ENOX1: variants seen among roughly 807,000 people sequenced by gnomAD.
ENOX1 encodes the protein ecto-NOX disulfide-thiol exchanger 1.
Under a neutral mutation model 82.5 loss-of-function variants are expected in ENOX1, and 42 were observed. That is an observed-to-expected ratio of 0.51 (90% CI 0.40 to 0.66). The LOEUF (loss-of-function observed/expected upper bound fraction) is 0.66. Among genes scored for constraint, ENOX1 ranks in the 30% least tolerant of loss-of-function variants. The pLI is 0.00. For missense variants in ENOX1, 608 were observed against 811.6 expected, an observed-to-expected ratio of 0.75 and a Z score of 3.05; for synonymous variants, 271 against 282.2, an observed-to-expected ratio of 0.96 and a Z score of 0.40.
intron 5 of ENOX1, among the ~76,000 whole-genome samples, chr13:43,379,528 T>C (rs1454844323): frequency 2.0e-5 from 3 of 152,004 alleles, no homozygotes; most frequent in Non-Finnish European, 2.9e-5. Flanking sequence ...ATGTATGAGA[T>C]AAAAAATATA....
At position 43,606,927 on chromosome 13, in the gene ENOX1, G is replaced by C. The variant is rs1594070146; in HGVS notation, c.-219+60552C>G. On this transcript the variant is annotated intron_variant, in intron 2 of 16. Coordinates refer to ENST00000690772, the MANE Select transcript of ENOX1 (RefSeq NM_001347969.2). ...CAGCTACTTAGGGGGAGTACCGCTT[G>C]AGCCCAGGAGGCAGAGGTTGCAGTG... 2.0e-5 allele frequency among the ~76,000 whole-genome samples: 3 copies of C among 152,226 alleles called. No individual in the cohort carries two copies. The South Asian group carries it at 6.2e-4, about 32-fold the overall frequency.
rs1400854564 is a variant in ENOX1, at chr13:43,606,331, TC to T, written c.-219+61147del. ...AGTTATATACCCAAAAGAAAGGAAATCAGTATTTCAAAGAGATATCTGCACT... is the reference window on the plus strand; with the variant it reads ...AGTTATATACCCAAAAGAAAGGAAATAGTATTTCAAAGAGATATCTGCACT... On this transcript the variant is annotated intron_variant, in intron 2 of 16. Transcript: ENST00000690772. Among the ~76,000 whole-genome samples, 7 of 152,214 alleles carry T rather than the reference TC, an allele frequency of 4.6e-5. No homozygotes were observed. The South Asian group carries it at 1.5e-3, about 32-fold the overall frequency.
intron 9 of ENOX1, among the ~76,000 whole-genome samples, chr13:43,336,028 A>C (rs1397743150): frequency 6.6e-6 from 1 of 152,192 alleles, no homozygotes; most frequent in Non-Finnish European, 1.5e-5. Flanking sequence ...GAAATAGAAA[A>C]CCTGTCACAT....
chr13:43,450,099 A>G (rs1245164177), intron 3 of ENOX1, among the ~76,000 whole-genome samples: 3 of 152,210 alleles, frequency 2.0e-5, no homozygotes, highest in African/African-American at 7.2e-5. Flanking sequence ...CAATATAGTC[A>G]TATGATATTA....
chr13:43,563,913 A>G (rs2079802468), intron 2 of ENOX1, among the ~76,000 whole-genome samples: 1 of 152,120 alleles, frequency 6.6e-6, no homozygotes, highest in Non-Finnish European at 1.5e-5. Flanking sequence ...TCTCCCAAAC[A>G]TTTAAAGAAG....
At chr13:43,610,872 A>T (rs1213077007) in intron 2 of ENOX1, among the ~76,000 whole-genome samples, 1 of 152,142 alleles carries the variant, frequency 6.6e-6, no homozygotes, top group Non-Finnish European at 1.5e-5. Flanking sequence ...CAATAAATAT[A>T]CCTATGTAAA....
intron 2 of ENOX1, among the ~76,000 whole-genome samples, chr13:43,666,504 C>G (rs1371101746): frequency 1.3e-5 from 2 of 152,094 alleles, no homozygotes; most frequent in East Asian, 3.9e-4. Flanking sequence ...TGTAAAGACA[C>G]AGGGAGAATG....
chr13:43,707,650 G>A (rs770312821), intron 1 of ENOX1, among the ~76,000 whole-genome samples: 5 of 148,632 alleles, frequency 3.4e-5, no homozygotes, highest in East Asian at 2.0e-4. Flanking sequence ...GGAGAATGGC[G>A]TGAACCCGGG....
intron 1 of ENOX1, among the ~76,000 whole-genome samples, chr13:43,668,695 T>C (rs1047422261): frequency 6.6e-6 from 1 of 152,008 alleles, no homozygotes; most frequent in Non-Finnish European, 1.5e-5. Flanking sequence ...GCATGATAGA[T>C]CTAATAGGGA....
chr13:43,287,608 G>A (rs781683058), intron 12 of ENOX1, among the ~76,000 whole-genome samples: 3 of 152,140 alleles, frequency 2.0e-5, no homozygotes, highest in Non-Finnish European at 4.4e-5. Flanking sequence ...CATGCCCTTA[G>A]GTGGCATCAG....
intron 2 of ENOX1, among the ~76,000 whole-genome samples, chr13:43,660,593 G>A (rs1294144103): frequency 1.3e-5 from 2 of 152,092 alleles, no homozygotes; most frequent in African/African-American, 4.8e-5. Flanking sequence ...GACATTGTGG[G>A]AAATAAAAAT....
rs145920690 is a variant in ENOX1 at position 43,469,005 on chromosome 13, T to C, written c.-75+15004A>G. Among the ~76,000 whole-genome samples, 90 of 152,284 alleles carry C rather than the reference T, an allele frequency of 5.9e-4. 2 individuals are homozygous for C. The East Asian group carries it at 0.017, about 29-fold the overall frequency. On this transcript the variant is annotated intron_variant, in intron 3 of 16. Transcript: ENST00000690772. ...TTATTAGCTCATAGTCAATAGTACA[T>C]TATTGACTAGAAGTGGGTAGAGTAG... is the stretch of plus-strand genomic sequence containing the variant.
Position 43,442,040 on chromosome 13 carries a change from C to T in ENOX1, c.-74-29052G>A, listed in dbSNP as rs535870547. Among the ~76,000 whole-genome samples, 149 of 152,100 alleles carry T rather than the reference C, an allele frequency of 9.8e-4. 2 individuals are homozygous for T. Among genetic ancestry groups the T allele is most frequent in the African/African-American group, 3.5e-3 (146 of 41,480 alleles). ...AGAGAGATCTCCTGGGAAATTAAAACGCCTACACGTAGGGAGAATTGAACA... is the reference window on the plus strand; with the variant it reads ...AGAGAGATCTCCTGGGAAATTAAAATGCCTACACGTAGGGAGAATTGAACA... On this transcript the variant is annotated intron_variant, in intron 3 of 16. Coordinates refer to ENST00000690772, the MANE Select transcript of ENOX1 (RefSeq NM_001347969.2).
chr13:43,756,572 T>A (rs1029320517), intron 1 of ENOX1, among the ~76,000 whole-genome samples: 7 of 149,488 alleles, frequency 4.7e-5, no homozygotes, highest in African/African-American at 1.7e-4. Flanking sequence ...GTGCATGAAG[T>A]GGAGATGCAA....
Position 43,616,130 on chromosome 13 carries a change from C to CTATATAGA in ENOX1, c.-219+51348_-219+51349insTCTATATA, listed in dbSNP as rs1566640959. ...TAGATATCTATAGATCTATAGATAT[C>CTATATAGA]TATCTATCTAGATATCTATATAGAT... On this transcript the variant is annotated intron_variant, in intron 2 of 16. Coordinates refer to ENST00000690772, the MANE Select transcript of ENOX1 (RefSeq NM_001347969.2). 3.7e-3 allele frequency among the ~76,000 whole-genome samples: 167 copies of CTATATAGA among 45,646 alleles called. 11 individuals carry two copies. The highest frequency in any genetic ancestry group is 0.014 in the Middle Eastern group (1 of 72). The allele number at this position is 45,646 out of a possible 152,430, so 29.9% of individuals were successfully genotyped here.
intron 9 of ENOX1, among the ~76,000 whole-genome samples, chr13:43,329,247 G>T (rs908061459): frequency 3.3e-5 from 5 of 152,264 alleles, no homozygotes; most frequent in Admixed American, 2.0e-4. Context: ...CTCTGATTGG[G>T]AACTTTATAT....
chr13:43,704,584 T>C (rs546704885), intron 1 of ENOX1, among the ~76,000 whole-genome samples: 4 of 151,908 alleles, frequency 2.6e-5, no homozygotes, highest in Non-Finnish European at 5.9e-5. Context: ...GAGGACAGAG[T>C]CTGAGGCTGC....
At position 43,327,162 on chromosome 13, in the gene ENOX1, T is replaced by A. The variant is rs78229337; in HGVS notation, c.1037-637A>T. On this transcript the variant is annotated intron_variant, in intron 9 of 16. Coordinates refer to ENST00000690772, the MANE Select transcript of ENOX1 (RefSeq NM_001347969.2). ...GCCCTCTGGCAGGGAACAGGAACCATAGCCTCTACCTCAAGACAGACCAAA... is the reference window on the plus strand; with the variant it reads ...GCCCTCTGGCAGGGAACAGGAACCAAAGCCTCTACCTCAAGACAGACCAAA... Among the ~76,000 whole-genome samples, 1,487 of 152,198 alleles carry A rather than the reference T, an allele frequency of 9.8e-3. 20 individuals are homozygous for A. The highest frequency in any genetic ancestry group is 0.034 in the African/African-American group (1,426 of 41,522).
chr13:43,272,131 A>G (rs973722639), intron 12 of ENOX1, among the ~76,000 whole-genome samples: 3 of 152,112 alleles, frequency 2.0e-5, no homozygotes, highest in Non-Finnish European at 4.4e-5. Context: ...GTTCTGGGAT[A>G]TATGTGCAGA....
Sources: gnomAD v4.1 joint callset for allele counts (sites outside exome capture counted in the v4.1 genomes callset) on GRCh38, gnomAD v4.1.1 for gene constraint, MANE v1.5 for transcripts, NCBI Gene and HGNC (gene_info 2026-07-23, HGNC 2026-07-21) for gene names.